Variants in TMEM135 observed in about 807,000 individuals in gnomAD.
TMEM135 encodes the protein transmembrane protein 135, also known as peroxisomal membrane protein 52.
In TMEM135, 30 loss-of-function variants were observed where a neutral mutation model predicts 60.3. That is an observed-to-expected ratio of 0.50 (90% CI 0.37 to 0.68). TMEM135 has a LOEUF of 0.68. TMEM135 is among the 30% of genes least tolerant of loss of function. TMEM135 has a pLI of 0.00. For synonymous variants in TMEM135, 190 were observed against 186.7 expected, an observed-to-expected ratio of 1.02 and a Z score of -0.14; for missense variants, 468 against 548.8, an observed-to-expected ratio of 0.85 and a Z score of 1.47.
chr11:87,242,724 T>G (rs1378128753), intron 6 of TMEM135, among the ~76,000 whole-genome samples: 1 of 141,904 alleles, frequency 7.0e-6, no homozygotes, highest in Non-Finnish European at 1.6e-5. Flanking sequence ...GTAAATTTGT[T>G]TGAGTTCATT....
intron 5 of TMEM135, among the ~76,000 whole-genome samples, chr11:87,191,596 C>T (rs1045683032): frequency 6.6e-6 from 1 of 152,108 alleles, no homozygotes; most frequent in Non-Finnish European, 1.5e-5. Context: ...GAATTAGATT[C>T]TACTACCTTT....
intron 5 of TMEM135, among the ~76,000 whole-genome samples, chr11:87,228,231 G>C (rs889621562): frequency 6.6e-6 from 1 of 152,130 alleles, no homozygotes; most frequent in Non-Finnish European, 1.5e-5. Flanking sequence ...CCCCTAGTGT[G>C]CTGGGACTAT....
intron 5 of TMEM135, among the ~76,000 whole-genome samples, chr11:87,170,728 C>A (rs200244326): frequency 6.6e-6 from 1 of 152,128 alleles, no homozygotes; most frequent in East Asian, 1.9e-4. Context: ...GTCTGTTGAC[C>A]TGTGCTGGGA....
At chr11:87,147,048 A>C (rs1408434460) in intron 4 of TMEM135, among the ~76,000 whole-genome samples, 2 of 152,088 alleles carry the variant, frequency 1.3e-5, no homozygotes, top group Non-Finnish European at 2.9e-5. Context: ...ATATTATAAT[A>C]ATACTCCTCA....
chr11:87,046,803 T>C (rs183986333), intron 1 of TMEM135, among the ~76,000 whole-genome samples: 125 of 152,312 alleles, frequency 8.2e-4, no homozygotes, highest in Non-Finnish European at 1.5e-3. Flanking sequence ...CAGAGCTGTA[T>C]GAAGAGATTG....
chr11:87,100,735 G>A (rs1338336235), intron 4 of TMEM135, among the ~76,000 whole-genome samples: 2 of 152,048 alleles, frequency 1.3e-5, no homozygotes, highest in Admixed American at 6.6e-5. Context: ...GGTGGCATGC[G>A]CCTGTAATCC....
At chr11:87,236,778 ATCCCTTACAAGCAGCATAC>A in intron 6 of TMEM135, 94 bp downstream of exon 6, 1 of 1,266,782 alleles carries the variant, frequency 7.9e-7, no homozygotes, top group East Asian at 2.3e-5. Flanking sequence ...CCAAATAATT[ATCCCTTACAAGCAGCATAC>A]TCCCCCCGCA....
At chr11:87,195,365 CCT>C (rs1939918321) in intron 5 of TMEM135, among the ~76,000 whole-genome samples, 7 of 124,794 alleles carry the variant, frequency 5.6e-5, no homozygotes, top group African/African-American at 1.2e-4. Flanking sequence ...TTCCTTCCTT[CCT>C]TCCTTCCTTC....
At chr11:87,175,814 A>C (rs554671437) in intron 5 of TMEM135, among the ~76,000 whole-genome samples, 2 of 152,296 alleles carry the variant, frequency 1.3e-5, no homozygotes, top group Non-Finnish European at 2.9e-5. Context: ...GATGTGGTTG[A>C]ATGTATTAGA....
chr11:87,149,032 T>TTGTGTGTGTGTGTGTGTGTGTGTG lies in TMEM135; in HGVS notation c.397-8299_397-8276dup, dbSNP rs553840798. ...CTTAGCACCAAATCCCCCCATACCTTTGTGTGTGTGTGTGTGTGTGTGTGT... is the reference window on the plus strand; with the variant it reads ...CTTAGCACCAAATCCCCCCATACCTTTGTGTGTGTGTGTGTGTGTGTGTGTGTGTGTGTGTGTGTGTGTGTGTGT... On this transcript the variant is annotated intron_variant, in intron 4 of 14. Transcript: ENST00000305494. 3.9e-4 allele frequency among the ~76,000 whole-genome samples: 56 copies of TTGTGTGTGTGTGTGTGTGTGTGTG among 143,690 alleles called. No individual in the cohort carries two copies. The Middle Eastern group carries it at 0.01, about 27-fold the overall frequency. 94.3% of individuals were successfully genotyped at this position (143,690 alleles called of 152,430 possible).
At chr11:87,173,594 C>G (rs1221681470) in intron 5 of TMEM135, among the ~76,000 whole-genome samples, 1 of 152,146 alleles carries the variant, frequency 6.6e-6, no homozygotes, top group African/African-American at 2.4e-5. Context: ...AGCACAATGT[C>G]TGCCACATGT....
At chr11:87,126,513 C>CT (rs556404264) in intron 4 of TMEM135, among the ~76,000 whole-genome samples, 4 of 150,910 alleles carry the variant, frequency 2.7e-5, no homozygotes, top group Non-Finnish European at 3.0e-5. Context: ...ATACTGTGTT[C>CT]TTTTTTTTGG....
At chr11:87,065,683 A>T (rs1219120940) in intron 1 of TMEM135, among the ~76,000 whole-genome samples, 1 of 152,144 alleles carries the variant, frequency 6.6e-6, no homozygotes, top group Non-Finnish European at 1.5e-5. Flanking sequence ...AGTTCAGTTT[A>T]TCAATTTTCT....
At chr11:87,247,637 G>A (rs867107141) in intron 6 of TMEM135, among the ~76,000 whole-genome samples, 3 of 152,190 alleles carry the variant, frequency 2.0e-5, no homozygotes, top group African/African-American at 4.8e-5. Context: ...GTCAGACTCC[G>A]TGGGCGTAGG....
intron 4 of TMEM135, among the ~76,000 whole-genome samples, chr11:87,129,213 ATTTTTTTTTTTTTTTTTTTTT>A (rs71040295): frequency 0.011 from 1,250 of 115,354 alleles, 4 homozygotes; most frequent in South Asian, 0.021. Flanking sequence ...TTATTCCTTA[ATTTTTTTTTTTTTTTTTTTTT>A]TTTTTTTTTT....
intron 5 of TMEM135, among the ~76,000 whole-genome samples, chr11:87,213,672 C>T (rs768432433): frequency 4.0e-5 from 6 of 151,432 alleles, no homozygotes; most frequent in Non-Finnish European, 8.9e-5. Context: ...TTTTGTTCTT[C>T]CAAATTAGTA....
chr11:87,201,056 CTT>C (rs1380176391), intron 5 of TMEM135, among the ~76,000 whole-genome samples: 9 of 151,962 alleles, frequency 5.9e-5, no homozygotes, highest in African/African-American at 2.2e-4. Flanking sequence ...TGTTAGCACT[CTT>C]TTTTATTTTT....
intron 4 of TMEM135, among the ~76,000 whole-genome samples, chr11:87,099,468 A>G (rs1289389542): frequency 6.6e-6 from 1 of 152,122 alleles, no homozygotes; most frequent in Non-Finnish European, 1.5e-5. Context: ...AGAATATTTA[A>G]TTGATACAGT....
intron 4 of TMEM135, among the ~76,000 whole-genome samples, chr11:87,124,327 A>G (rs1937661500): frequency 6.6e-6 from 1 of 152,214 alleles, no homozygotes; most frequent in Admixed American, 6.5e-5. Context: ...TGACACTGCC[A>G]TTAAAGTGAC....
Sources: gnomAD v4.1 joint callset for allele counts (sites outside exome capture counted in the v4.1 genomes callset) on GRCh38, gnomAD v4.1.1 for gene constraint, MANE v1.5 for transcripts, NCBI Gene and HGNC (gene_info 2026-07-23, HGNC 2026-07-21) for gene names.